MYO18B: variants seen among roughly 807,000 people sequenced by gnomAD.
MYO18B encodes the protein unconventional myosin-XVIIIb.
A neutral mutation model predicts 273.0 loss-of-function variants in MYO18B; 204 were observed. That is an observed-to-expected ratio of 0.75 (90% confidence interval 0.67 to 0.84). The LOEUF is 0.84. MYO18B is among the 40% of genes least tolerant of loss of function. The pLI, the probability that MYO18B is intolerant of heterozygous loss-of-function variation, is 0.00. For synonymous variants in MYO18B, 1,330 were observed against 1,305.7 expected, an observed-to-expected ratio of 1.02 and a Z score of -0.40; for missense variants, 3,212 against 3,287.6, an observed-to-expected ratio of 0.98 and a Z score of 0.56.
intron 10 of MYO18B, 100 bp downstream of exon 10, chr22:25,781,934 C>T (rs186351013): frequency 5.0e-5 from 38 of 757,942 alleles, no homozygotes; most frequent in African/African-American, 4.9e-4. Flanking sequence ...ACTGAGAGGC[C>T]GTGGGACCCA....
the MYO18B span, among the ~76,000 whole-genome samples, chr22:26,059,944 T>C: frequency 6.6e-6 from 1 of 152,200 alleles, no homozygotes; most frequent in Non-Finnish European, 1.5e-5. Flanking sequence ...ATGTGGTCGA[T>C]TATTGTGACA....
At chr22:25,857,832 T>C (rs1305894710) in intron 21 of MYO18B, among the ~76,000 whole-genome samples, 1 of 152,242 alleles carries the variant, frequency 6.6e-6, no homozygotes, top group Non-Finnish European at 1.5e-5. Flanking sequence ...TTTAGTACTT[T>C]TGTAGAGACC....
At chr22:25,773,408 C>T (rs1400861952) in intron 7 of MYO18B, among the ~76,000 whole-genome samples, 4 of 151,948 alleles carry the variant, frequency 2.6e-5, no homozygotes, top group Admixed American at 2.0e-4. Context: ...TGTCAGTTCT[C>T]AGGGTGATGA....
At chr22:25,764,007 C>G (rs2086419208) in intron 3 of MYO18B, among the ~76,000 whole-genome samples, 1 of 152,172 alleles carries the variant, frequency 6.6e-6, no homozygotes, top group African/African-American at 2.4e-5. Context: ...CCTTGGCCCC[C>G]CAAGTGCCCT....
At chr22:25,982,764 C>T (rs911659573) in intron 39 of MYO18B, among the ~76,000 whole-genome samples, 9 of 152,152 alleles carry the variant, frequency 5.9e-5, no homozygotes, top group Non-Finnish European at 1.3e-4. Flanking sequence ...GACAATCTCC[C>T]CCTACCTCAA....
rs1287845652 is a variant in MYO18B, at chr22:25,846,241, G to A, written c.3510G>A (p.Ala1170=). The change falls in exon 19 of 44, where the codon GCG becomes GCA. Residue 1170 remains alanine (A), a synonymous_variant. Transcript: ENST00000335473. ...VRRTFASSLA[A]VRRKAPCSQI... is the part of the protein sequence containing the mutation. ...GGACCTTTGCCAGCAGCCTTGCCGC[G>A]GTGAGGAGGAAAGCCCCGTGCTCCC... 3.7e-6 allele frequency: 6 copies of A among 1,612,266 alleles called. No homozygotes were observed. The highest frequency in any genetic ancestry group is 5.1e-6 in the Non-Finnish European group (6 of 1,179,830).
intron 42 of MYO18B, among the ~76,000 whole-genome samples, chr22:26,024,998 G>A (rs779782272): frequency 3.3e-5 from 5 of 152,156 alleles, no homozygotes; most frequent in South Asian, 2.1e-4. Flanking sequence ...GGGTGAGGGA[G>A]CCCTCTGGGG....
In MYO18B at chr22:25,820,765, C is replaced by T. The variant is rs1005159274; in HGVS notation, c.2522-2740C>T. On this transcript the variant is annotated intron_variant, in intron 12 of 43. Coordinates refer to ENST00000335473, the MANE Select transcript of MYO18B (RefSeq NM_032608.7). ...CCTACAATGCTATAGAACACTAGAACGTATTTCTCCTATCTAGCTGTGATT... is the reference window on the plus strand; with the variant it reads ...CCTACAATGCTATAGAACACTAGAATGTATTTCTCCTATCTAGCTGTGATT... Among the ~76,000 whole-genome samples the T allele has an allele frequency of 7.9e-5, 12 of 152,216 alleles. 1 individual carries two copies. The highest frequency in any genetic ancestry group is 1.3e-4 in the Non-Finnish European group (9 of 68,000).
At chr22:25,917,273 C>T (rs2092275190) in intron 33 of MYO18B, among the ~76,000 whole-genome samples, 1 of 152,126 alleles carries the variant, frequency 6.6e-6, no homozygotes. Flanking sequence ...TAATCTGTTT[C>T]TAAGAGAGTC....
At chr22:26,058,190 C>A in the MYO18B span, among the ~76,000 whole-genome samples, 4 of 152,134 alleles carry the variant, frequency 2.6e-5, no homozygotes, top group Non-Finnish European at 4.4e-5. Context: ...AGTACTAGGG[C>A]AGACCAACTT....
chr22:25,891,161 G>A, intron 26 of MYO18B, 143 bp from the exon 27 acceptor site: 1 of 721,242 alleles, frequency 1.4e-6, no homozygotes, highest in Non-Finnish European at 2.3e-6. Flanking sequence ...GCCGAAGGTG[G>A]CTAGCCCATG....
At chr22:25,771,766 G>T (rs559380647) in intron 6 of MYO18B, among the ~76,000 whole-genome samples, 15 of 152,230 alleles carry the variant, frequency 9.9e-5, no homozygotes, top group Admixed American at 3.3e-4. Context: ...TGAAGCTGGA[G>T]AGAATAATAG....
chr22:25,786,548 T>A (rs891051827), intron 11 of MYO18B, among the ~76,000 whole-genome samples: 8 of 149,006 alleles, frequency 5.4e-5, no homozygotes, highest in African/African-American at 2.0e-4. Context: ...AAAAAATGAG[T>A]CACAGATCTA....
chr22:25,996,633 A>G (rs1933278571), intron 40 of MYO18B, among the ~76,000 whole-genome samples: 1 of 152,108 alleles, frequency 6.6e-6, no homozygotes, highest in Non-Finnish European at 1.5e-5. Context: ...ACACGAGAAT[A>G]CAATTGGAGT....
At chr22:25,890,948 C>A in intron 26 of MYO18B, 73 bp downstream of exon 26, 1 of 1,542,532 alleles carries the variant, frequency 6.5e-7, no homozygotes, top group Non-Finnish European at 8.8e-7. Context: ...CCCCGACCCT[C>A]TCATTGGAGA....
intron 17 of MYO18B, among the ~76,000 whole-genome samples, chr22:25,840,318 G>A (rs6004791): frequency 0.023 from 3,513 of 152,332 alleles, 107 homozygotes; most frequent in East Asian, 0.11. Context: ...TCTGGGCCCT[G>A]GCTTCAGCAG....
chr22:25,958,416 C>T (rs1026802809), intron 39 of MYO18B, among the ~76,000 whole-genome samples: 1 of 152,190 alleles, frequency 6.6e-6, no homozygotes, highest in African/African-American at 2.4e-5. Context: ...GGGCCAGCAG[C>T]CTCTTCCAAA....
intron 11 of MYO18B, among the ~76,000 whole-genome samples, chr22:25,794,033 A>G (rs934212829): frequency 6.6e-6 from 1 of 151,740 alleles, no homozygotes; most frequent in African/African-American, 2.4e-5. Flanking sequence ...TCCTGGGTTC[A>G]CGCCATTCTC....
downstream of MYO18B, among the ~76,000 whole-genome samples, chr22:26,035,147 C>A (rs903986292): frequency 5.9e-5 from 9 of 152,068 alleles, no homozygotes; most frequent in African/African-American, 2.2e-4. Flanking sequence ...ATATCGCAGA[C>A]CATGAGTATT....
Sources: allele counts gnomAD v4.1 joint callset (sites outside exome capture counted in the v4.1 genomes callset), GRCh38; gene constraint gnomAD v4.1.1; transcripts MANE v1.5; gene names NCBI Gene and HGNC (gene_info 2026-07-23, HGNC 2026-07-21).